Variants in KNDC1 observed in about 807,000 individuals in gnomAD.
The protein encoded by KNDC1 is kinase non-catalytic C-lobe domain-containing protein 1.
In KNDC1, 106 loss-of-function variants were observed where a neutral mutation model predicts 172.8. That is an observed-to-expected ratio of 0.61 (90% confidence interval 0.52 to 0.72). The LOEUF is 0.72. Ranked by LOEUF, KNDC1 falls within the 30% of genes least tolerant of loss-of-function variation. The probability of loss-of-function intolerance (pLI) is 0.00; values close to 1 mark genes in which losing one functional copy is unlikely to be tolerated. For missense variants in KNDC1, 2,325 were observed against 2,394.5 expected, an observed-to-expected ratio of 0.97 and a Z score of 0.61; for synonymous variants, 1,083 against 1,062.2, an observed-to-expected ratio of 1.02 and a Z score of -0.38.
At chr10:133,206,606 G>C (rs1845200084) in intron 17 of KNDC1, 79 bp from the exon 18 acceptor site, 1 of 1,177,258 alleles carries the variant, frequency 8.5e-7, no homozygotes, top group East Asian at 2.3e-5. Flanking sequence ...GGAGGCCCCA[G>C]TGGGGTGGGG....
intron 6 of KNDC1, among the ~76,000 whole-genome samples, chr10:133,187,477 A>G (rs1485724901): frequency 1.3e-5 from 2 of 152,254 alleles, no homozygotes; most frequent in Non-Finnish European, 2.9e-5. Flanking sequence ...ATGCAAGTCC[A>G]TCTGCCAGGC....
At position 133,186,380 on chromosome 10, in the gene KNDC1, C is replaced by T. The variant is rs2135979309; in HGVS notation, c.1032C>T (p.Ala344=). ...TATTCTCTCCGGACCCCAGGAAGGCCTTTCTGGACAGGAAAAATGGCCTTT... is the reference window on the plus strand; with the variant it reads ...TATTCTCTCCGGACCCCAGGAAGGCTTTTCTGGACAGGAAAAATGGCCTTT... The part of the protein sequence containing the change: ...SELFSPDPRK[A]FLDRKNGLSS... Residue 344 remains alanine (A), a synonymous_variant, in exon 6 of 30, where the codon GCC becomes GCT. Transcript: ENST00000304613. 1 of 1,612,808 alleles carries T rather than the reference C, an allele frequency of 6.2e-7. No individual in the cohort carries two copies. The highest frequency in any genetic ancestry group is 1.1e-5 in the South Asian group (1 of 91,086).
chr10:133,188,877 G>A (rs369156200), intron 7 of KNDC1, among the ~76,000 whole-genome samples: 2 of 151,936 alleles, frequency 1.3e-5, no homozygotes, highest in South Asian at 2.1e-4. Flanking sequence ...GGCGGCTCCC[G>A]TCTGGAGCAC....
rs773380760 is a variant in KNDC1, at chr10:133,199,493, G to T, written c.2794G>T (p.Ala932Ser). Residue 932 changes from alanine to serine, a missense_variant, in exon 15 of 30, where the codon GCC (alanine) becomes TCC (serine). By Grantham distance (99) the Ala-to-Ser change is moderately conservative. Transcript: ENST00000304613. ...CTTCGCCTTGAAAGATCTCACCTTT[G>T]CCACTTTCTGTGGCGCCATTTCCGA... is the stretch of plus-strand genomic sequence containing the variant. The part of the protein sequence containing the change: ...YIFALKDLTF[A>S]TFCGAISEKF... 1 of 1,613,890 alleles carries T rather than the reference G, an allele frequency of 6.2e-7. No homozygotes were observed. The highest frequency in any genetic ancestry group is 2.2e-5 in the East Asian group (1 of 44,876).
intron 5 of KNDC1, among the ~76,000 whole-genome samples, 173 bp downstream of exon 5, chr10:133,184,162 GCACACACACCTATGCA>G (rs57454724): frequency 0.03 from 3,873 of 128,668 alleles, 163 homozygotes; most frequent in African/African-American, 0.11. Flanking sequence ...CACACACACT[GCACACACACCTATGCA>G]CACACACACC....
rs12779918 is a variant in KNDC1 at position 133,224,347 on chromosome 10, C to T, written c.5019-312C>T. ...GAGAGTCCCTTGCCTGCCTCGTCCT[C>T]TCAGCTGCAGCCCCTGCGGCAGACT... On this transcript the variant is annotated intron_variant, in intron 29 of 29. Coordinates refer to ENST00000304613, the MANE Select transcript of KNDC1 (RefSeq NM_152643.8). The surrounding 1 kb of genome is among the most constrained non-coding windows in gnomAD (Gnocchi z 5.4). Among the ~76,000 whole-genome samples, 6,984 of 152,284 alleles carry T rather than the reference C, an allele frequency of 0.046. 239 individuals carry two copies. The highest frequency in any genetic ancestry group is 0.11 in the Admixed American group (1,700 of 15,290).
intron 17 of KNDC1, among the ~76,000 whole-genome samples, chr10:133,205,580 G>A (rs1318592762): frequency 2.6e-5 from 4 of 152,366 alleles, no homozygotes; most frequent in Admixed American, 6.5e-5. Flanking sequence ...AGCAAACCAC[G>A]ATGGTCCAGC....
intron 26 of KNDC1, among the ~76,000 whole-genome samples, chr10:133,214,398 C>T (rs1046713120): frequency 1.3e-5 from 2 of 152,350 alleles, no homozygotes; most frequent in Non-Finnish European, 1.5e-5. Flanking sequence ...TCCACAGCCA[C>T]GTCCACATCT....
rs533523587 is a variant in KNDC1 at position 133,172,652 on chromosome 10, C to T, written c.360+4340C>T. The stretch of plus-strand genomic sequence containing the variant: ...GTCTGGTAAAACTCACTTACAGGGC[C>T]ACCTGTTTTCTTTAGGAAAGATTTT... On this transcript the variant is annotated intron_variant, in intron 3 of 29. Transcript: ENST00000304613. Among the ~76,000 whole-genome samples, 2 of 152,282 alleles carry T rather than the reference C, an allele frequency of 1.3e-5. 1 individual carries two copies. Among genetic ancestry groups the T allele is most frequent in the South Asian group, 4.1e-4 (2 of 4,822 alleles).
At position 133,165,488 on chromosome 10, in the gene KNDC1, G is replaced by C. The variant is rs1423692192; in HGVS notation, c.103-1893G>C. ...CACCCCAGGGCCCCGCAGGGGGACG[G>C]GGACCGGCTGAGACGCGCCTCATGC... On this transcript the variant is annotated intron_variant, in intron 1 of 29. Coordinates refer to ENST00000304613, the MANE Select transcript of KNDC1 (RefSeq NM_152643.8). Among the ~76,000 whole-genome samples the C allele has an allele frequency of 2.0e-5, 3 of 152,218 alleles. 1 individual carries two copies. Among genetic ancestry groups the C allele is most frequent in the Non-Finnish European group, 4.4e-5 (3 of 68,022 alleles).
Position 133,197,724 on chromosome 10 carries a change from T to C in KNDC1, c.1862T>C (p.Val621Ala), listed in dbSNP as rs954307325. The change falls in exon 12 of 30, where the codon GTT (valine) becomes GCT (alanine). Residue 621 changes from valine to alanine, a missense_variant. Transcript: ENST00000304613. ...AGCCTCCAAAACGCCTTCTCAGTGG[T>C]TGAACTGAAGCCCAGTGTGGCACCA... is the stretch of plus-strand genomic sequence containing the variant. The part of the protein sequence containing the change: ...TISLQNAFSV[V>A]ELKPSVAPAP... The C allele has an allele frequency of 1.2e-6, 2 of 1,613,320 alleles. No individual in the cohort carries two copies. Among genetic ancestry groups the C allele is most frequent in the South Asian group, 1.1e-5 (1 of 91,078 alleles).
chr10:133,174,462 A>C (rs948874033), intron 3 of KNDC1, among the ~76,000 whole-genome samples: 2 of 152,356 alleles, frequency 1.3e-5, no homozygotes, highest in Admixed American at 1.3e-4. Flanking sequence ...AAGGTTGCTG[A>C]TACCACCGGG....
At chr10:133,177,518 G>A (rs1055341078) in intron 3 of KNDC1, among the ~76,000 whole-genome samples, 2 of 136,670 alleles carry the variant, frequency 1.5e-5, no homozygotes, top group African/African-American at 5.2e-5. Context: ...TGTGTGTAAT[G>A]TGTGTGCATG....
chr10:133,170,063 T>C (rs1853325472), intron 3 of KNDC1, among the ~76,000 whole-genome samples: 1 of 152,268 alleles, frequency 6.6e-6, no homozygotes. Context: ...AAACTTCATC[T>C]GCAGAGCACT....
chr10:133,202,309 C>G (rs1168904987), intron 17 of KNDC1: 2 of 481,426 alleles, frequency 4.2e-6, no homozygotes, highest in East Asian at 6.3e-5. Flanking sequence ...GCCTGCCCAG[C>G]AAGTCTAGAC....
At chr10:133,188,681 C>A (rs1316920438) in intron 7 of KNDC1, 28 bp downstream of exon 7, 3 of 1,332,950 alleles carry the variant, frequency 2.3e-6, no homozygotes, top group Non-Finnish European at 2.0e-6. Context: ...CCATCCCCCC[C>A]GCCGTCCCCA....
intron 1 of KNDC1, among the ~76,000 whole-genome samples, chr10:133,161,077 C>G (rs2135935954): frequency 6.6e-6 from 1 of 152,192 alleles, no homozygotes; most frequent in Admixed American, 6.5e-5. Flanking sequence ...ACCCCCCTAC[C>G]CCGCAAGGTG....
Position 133,199,181 on chromosome 10 carries a change from G to T in KNDC1, c.2673G>T (p.Pro891=). The change falls in exon 14 of 30, where the codon CCG becomes CCT. Residue 891 remains proline (P), a synonymous_variant. Transcript: ENST00000304613. ...ASPLPGRTAC[P]SLQEATRLIQ... Reference sequence around the variant, plus strand: ...CACTCCCAGGGAGGACGGCCTGCCCGTCGCTGCAGGAGGCCACGCGCCTCA... The same window carrying T: ...CACTCCCAGGGAGGACGGCCTGCCCTTCGCTGCAGGAGGCCACGCGCCTCA... The T allele has an allele frequency of 6.3e-7, 1 of 1,595,148 alleles. No homozygotes were observed. Among genetic ancestry groups the T allele is most frequent in the Non-Finnish European group, 8.5e-7 (1 of 1,171,592 alleles).
At chr10:133,165,279 G>A (rs888985460) in intron 1 of KNDC1, among the ~76,000 whole-genome samples, 1 of 152,244 alleles carries the variant, frequency 6.6e-6, no homozygotes, top group Non-Finnish European at 1.5e-5. Context: ...CGGCTTCCCT[G>A]AGGGGAGGAG....
Sources: gnomAD v4.1 joint callset for allele counts (sites outside exome capture counted in the v4.1 genomes callset) on GRCh38, gnomAD v4.1.1 for gene constraint, Gnocchi (gnomAD v3.1) non-coding constraint, MANE v1.5 for transcripts, NCBI Gene and HGNC (gene_info 2026-07-23, HGNC 2026-07-21) for gene names.